Variants in SEMA4B observed in about 807,000 individuals in gnomAD.
The protein encoded by SEMA4B is semaphorin-4B.
SEMA4B carries 55 observed loss-of-function variants against 88.1 expected under a neutral mutation model. The ratio of observed to expected loss-of-function variants is 0.62; its 90% CI spans 0.50 to 0.78. The LOEUF is 0.78. SEMA4B is among the 30% of genes least tolerant of loss of function. The pLI, the probability that SEMA4B is intolerant of heterozygous loss-of-function variation, is 0.00. For missense variants in SEMA4B, 1,062 were observed against 1,111.9 expected (o/e 0.96, Z 0.64); for synonymous variants, 525 against 473.6 (o/e 1.11, Z -1.41).
At chr15:90,192,556 A>G (rs1256626974) in intron 1 of SEMA4B, among the ~76,000 whole-genome samples, 3 of 142,346 alleles carry the variant, frequency 2.1e-5, no homozygotes, top group Non-Finnish European at 3.1e-5. Flanking sequence ...ACTTTTAGCC[A>G]TGCTTCCCTT....
intron 1 of SEMA4B, among the ~76,000 whole-genome samples, chr15:90,215,909 C>T (rs1161956058): frequency 6.6e-6 from 1 of 152,120 alleles, no homozygotes; most frequent in Non-Finnish European, 1.5e-5. Flanking sequence ...GTCTGTCCTC[C>T]CTCACCCCAG....
intron 1 of SEMA4B, among the ~76,000 whole-genome samples, chr15:90,208,531 C>T (rs759838470): frequency 7.2e-5 from 11 of 152,144 alleles, no homozygotes; most frequent in Non-Finnish European, 1.5e-4. Context: ...GAGCTTTGCA[C>T]TGCCACGTAC....
Position 90,227,655 on chromosome 15 carries a change from C to T in SEMA4B, c.1774+13C>T. On this transcript the variant is annotated intron_variant, in intron 13 of 13. Transcript: ENST00000411539. ...TTTGTACCAACAGGTGAGGTGCCCCCTCAAAAGGTGGAGGAGAGAGGTGGG... is the reference window on the plus strand; with the variant it reads ...TTTGTACCAACAGGTGAGGTGCCCCTTCAAAAGGTGGAGGAGAGAGGTGGG... 6.2e-7 allele frequency: 1 copy of T among 1,613,522 alleles called. No homozygotes were observed. The highest frequency in any genetic ancestry group is 8.5e-7 in the Non-Finnish European group (1 of 1,179,498).
intron 1 of SEMA4B, among the ~76,000 whole-genome samples, chr15:90,203,473 A>G (rs1386120825): frequency 6.6e-6 from 1 of 152,204 alleles, no homozygotes; most frequent in African/African-American, 2.4e-5. Flanking sequence ...GGTAGGTTTC[A>G]TGTCCAACTC....
At chr15:90,225,243 T>C (rs1341139749) in intron 10 of SEMA4B, 39 bp from the exon 11 acceptor site, 1 of 1,554,372 alleles carries the variant, frequency 6.4e-7, no homozygotes, top group Admixed American at 2.0e-5. Flanking sequence ...TCATGGGCAG[T>C]GGGCTCCACC....
intron 1 of SEMA4B, among the ~76,000 whole-genome samples, chr15:90,204,665 A>G (rs1960906157): frequency 6.6e-6 from 1 of 152,182 alleles, no homozygotes; most frequent in South Asian, 2.1e-4. Flanking sequence ...AGTAGAAACA[A>G]TGGCGCCCAG....
chr15:90,215,499 A>G (rs1567054263), intron 1 of SEMA4B, among the ~76,000 whole-genome samples: 1 of 152,192 alleles, frequency 6.6e-6, no homozygotes, highest in Non-Finnish European at 1.5e-5. Context: ...TTATTCTGCA[A>G]AAACAAAAGC....
chr15:90,221,755 G>A lies in SEMA4B; in HGVS notation c.851G>A (p.Arg284His), dbSNP rs746262773. 5.0e-6 allele frequency: 8 copies of A among 1,613,630 alleles called. No homozygotes were observed. The highest frequency in any genetic ancestry group is 2.2e-5 in the East Asian group (1 of 44,870). The change falls in exon 7 of 14, where the codon CGC (arginine) becomes CAC (histidine). Residue 284 changes from arginine to histidine, a missense_variant. By Grantham distance (29) the Arg-to-His change is conservative. Transcript: ENST00000411539. ...FENTIVSRIA[R>H]ICKGDEGGER... Reference sequence around the variant, plus strand: ...AACACCATTGTGTCCCGCATTGCCCGCATCTGCAAGGTGAGGGGAACGGGC... The same window carrying A: ...AACACCATTGTGTCCCGCATTGCCCACATCTGCAAGGTGAGGGGAACGGGC...
intron 7 of SEMA4B, among the ~76,000 whole-genome samples, chr15:90,222,636 G>GCATC (rs902677951): frequency 9.9e-5 from 15 of 152,236 alleles, no homozygotes; most frequent in Admixed American, 2.6e-4. Context: ...AGGCACTGTA[G>GCATC]CATCAGCTGG....
intron 12 of SEMA4B, among the ~76,000 whole-genome samples, chr15:90,227,037 A>C (rs377748108): frequency 6.6e-6 from 1 of 152,064 alleles, no homozygotes; most frequent in East Asian, 1.9e-4. Context: ...CTGAGGGTAC[A>C]TACTATTTTT....
chr15:90,229,357 C>T lies in SEMA4B; in HGVS notation c.*714C>T. 2 of 456,854 alleles carry T rather than the reference C, an allele frequency of 4.4e-6. No individual in the cohort carries two copies. 28.3% of individuals were successfully genotyped at this position (456,854 alleles called of 1,614,324 possible). On this transcript the variant is annotated 3_prime_UTR_variant, in exon 14 of 14. Coordinates refer to ENST00000411539, the MANE Select transcript of SEMA4B (RefSeq NM_198925.4). ...AGGAGAGATTTCGTGACAATGTACG[C>T]CTTTCCCTCAGAATTCAGGGAAGAG...
rs1193471887 is a variant in SEMA4B, at chr15:90,212,889, C to T, written c.158-4550C>T. Among the ~76,000 whole-genome samples the T allele has an allele frequency of 1.3e-5, 2 of 152,166 alleles. No individual in the cohort carries two copies. Among genetic ancestry groups the T allele is most frequent in the East Asian group, 3.9e-4 (2 of 5,194 alleles). ...ACCAGGTGCGTGCCTAAGTTAGAAT[C>T]GCCCAGGCTAAGTTCGTGAACCCCC... On this transcript the variant is annotated intron_variant, in intron 1 of 13. Coordinates refer to ENST00000411539, the MANE Select transcript of SEMA4B (RefSeq NM_198925.4). The surrounding 1 kb of genome is among the most constrained non-coding windows in gnomAD (Gnocchi z 4.0).
chr15:90,229,570 A>G lies in SEMA4B; in HGVS notation c.*927A>G, dbSNP rs1596168151. On this transcript the variant is annotated 3_prime_UTR_variant, in exon 14 of 14. Coordinates refer to ENST00000411539, the MANE Select transcript of SEMA4B (RefSeq NM_198925.4). ...AAGGGATATCAACACTGCCCAGCACAGGGGCCCTGAATTTATGTGGTTTTT... is the reference window on the plus strand; with the variant it reads ...AAGGGATATCAACACTGCCCAGCACGGGGGCCCTGAATTTATGTGGTTTTT... 1 of 341,340 alleles carries G rather than the reference A, an allele frequency of 2.9e-6. No individual in the cohort carries two copies. Among genetic ancestry groups the G allele is most frequent in the East Asian group, 8.9e-5 (1 of 11,210 alleles). The allele number at this position is 341,340 out of a possible 1,614,324, so 21.1% of individuals were successfully genotyped here.
chr15:90,223,247 C>T lies in SEMA4B; in HGVS notation c.862-312C>T, dbSNP rs565995064. On this transcript the variant is annotated intron_variant, in intron 7 of 13. Coordinates refer to ENST00000411539, the MANE Select transcript of SEMA4B (RefSeq NM_198925.4). ...GGCATTAATAATATAAGTACCATCCCGACCTTGTACTTATATTATTAACTC... is the reference window on the plus strand; with the variant it reads ...GGCATTAATAATATAAGTACCATCCTGACCTTGTACTTATATTATTAACTC... 3.9e-5 allele frequency among the ~76,000 whole-genome samples: 6 copies of T among 152,162 alleles called. No individual in the cohort carries two copies. In the South Asian group the frequency reaches 1.2e-3, roughly 32 times the overall value.
chr15:90,220,649 G>A (rs1338448890), intron 4 of SEMA4B, among the ~76,000 whole-genome samples: 2 of 151,800 alleles, frequency 1.3e-5, no homozygotes, highest in African/African-American at 4.8e-5. Flanking sequence ...GATTACAGGT[G>A]TGAGCCACCG....
intron 1 of SEMA4B, among the ~76,000 whole-genome samples, chr15:90,211,460 G>A (rs1438980079): frequency 2.0e-5 from 3 of 152,034 alleles, no homozygotes; most frequent in Non-Finnish European, 4.4e-5. Flanking sequence ...CAGAGTCCCT[G>A]GTCAGGGACT....
At position 90,221,062 on chromosome 15, in the gene SEMA4B, C is replaced by T. The variant is rs780402046; in HGVS notation, c.564C>T (p.Asp188=). Residue 188 remains aspartate, a synonymous_variant, in exon 5 of 14, where the codon GAC becomes GAT. Coordinates refer to ENST00000411539, the MANE Select transcript of SEMA4B (RefSeq NM_198925.4). ...LEDGKGRCPF[D]PNFKSTALVV... is the part of the protein sequence containing the mutation. ...ATGGCAAGGGCCGTTGTCCCTTCGA[C>T]CCGAATTTCAAGTCCACTGCCCTGG... 29 of 1,609,442 alleles carry T rather than the reference C, an allele frequency of 1.8e-5. No homozygotes were observed. The highest frequency in any genetic ancestry group is 2.5e-5 in the Non-Finnish European group (29 of 1,177,966).
At chr15:90,203,664 C>G (rs941378680) in intron 1 of SEMA4B, among the ~76,000 whole-genome samples, 1 of 152,214 alleles carries the variant, frequency 6.6e-6, no homozygotes, top group African/African-American at 2.4e-5. Context: ...TGTCACGCAC[C>G]AGCATTCACC....
At position 90,221,482 on chromosome 15, in the gene SEMA4B, T is replaced by G. The variant is rs1596152641; in HGVS notation, c.709+2T>G. 1 of 1,597,586 alleles carries G rather than the reference T, an allele frequency of 6.3e-7. No homozygotes were observed. Among genetic ancestry groups the G allele is most frequent in the Non-Finnish European group, 8.5e-7 (1 of 1,172,166 alleles). On this transcript the variant is annotated splice_donor_variant, in intron 6 of 13. Transcript: ENST00000411539. LOFTEE classifies it high-confidence loss of function. ...AGAGCTCCCTCAACTGGCTGCAAGG[T>G]GAAGTCCTCTTGCCACCACCCAGAG...
Sources: allele counts gnomAD v4.1 joint callset (sites outside exome capture counted in the v4.1 genomes callset), GRCh38; gene constraint gnomAD v4.1.1; non-coding constraint Gnocchi (gnomAD v3.1); transcripts MANE v1.5; gene names NCBI Gene and HGNC (gene_info 2026-07-23, HGNC 2026-07-21).